The following DMD variants were observed in gnomAD, a reference collection of about 807,000 sequenced individuals.
DMD encodes the protein mutant dystrophin.
In DMD, 63 loss-of-function variants were observed where a neutral mutation model predicts 330.1. That is an observed-to-expected ratio of 0.19 (90% CI 0.16 to 0.24). The LOEUF (loss-of-function observed/expected upper bound fraction) is 0.24. Ranked by LOEUF, DMD falls within the 10% of genes least tolerant of loss-of-function variation. The pLI is 1.00. For synonymous variants in DMD, 1,223 were observed against 959.8 expected, an observed-to-expected ratio of 1.27 and a Z score of -5.07; for missense variants, 3,344 against 2,684.1, an observed-to-expected ratio of 1.25 and a Z score of -5.43.
intron 2 of DMD, among the ~76,000 whole-genome samples, chrX:33,015,480 T>A (rs2093783573): frequency 9.1e-6 from 1 of 109,925 alleles, no homozygotes; most frequent in African/African-American, 3.3e-5. Flanking sequence ...CACGGACACA[T>A]AGAGGGGAAC....
intron 41 of DMD, among the ~76,000 whole-genome samples, chrX:32,317,812 C>T (rs995177679): frequency 1.9e-4 from 19 of 99,554 alleles, no homozygotes; most frequent in African/African-American, 6.4e-4. Context: ...ATTATCTTGA[C>T]CAAAAACAGT....
chrX:32,007,699 C>T (rs2095673086), intron 44 of DMD, among the ~76,000 whole-genome samples: 3 of 109,942 alleles, frequency 2.7e-5, no homozygotes, highest in African/African-American at 3.3e-5. Flanking sequence ...TTTGGGGGGA[C>T]GTGGTGGGGA....
rs182872837 is a variant in DMD, at chrX:32,066,824, G to A, written c.6439-98310C>T. 1.4e-3 allele frequency among the ~76,000 whole-genome samples: 159 copies of A among 111,697 alleles called. 3 individuals are homozygous for A. The highest frequency in any genetic ancestry group is 4.6e-3 in the Middle Eastern group (1 of 218). The stretch of plus-strand genomic sequence containing the variant: ...TTTTTCGGATGCACAAAACATGTCA[G>A]TACATAGTTACCAACGATGGATGGA... On this transcript the variant is annotated intron_variant, in intron 44 of 78. Coordinates refer to ENST00000357033, the MANE Select transcript of DMD (RefSeq NM_004006.3).
chrX:32,806,342 A>G (rs1265620539), intron 7 of DMD, among the ~76,000 whole-genome samples: 1 of 112,227 alleles, frequency 8.9e-6, no homozygotes, highest in African/African-American at 3.2e-5. Flanking sequence ...AAAAACAAAA[A>G]AAGACAAAGA....
intron 7 of DMD, among the ~76,000 whole-genome samples, chrX:32,731,787 G>C (rs960883423): frequency 8.9e-6 from 1 of 112,157 alleles, no homozygotes; most frequent in African/African-American, 3.2e-5. Context: ...AAGTCCAAAA[G>C]TAGATAAAAC....
At chrX:32,392,341 C>T (rs1218852664) in intron 30 of DMD, among the ~76,000 whole-genome samples, 1 of 111,803 alleles carries the variant, frequency 8.9e-6, no homozygotes, top group African/African-American at 3.2e-5. Flanking sequence ...TCACTGCAAC[C>T]TCCGCCTCCC....
chrX:31,976,953 A>G (rs1386310183), intron 44 of DMD, among the ~76,000 whole-genome samples: 1 of 112,022 alleles, frequency 8.9e-6, no homozygotes, highest in African/African-American at 3.2e-5. Context: ...AATGATAAAT[A>G]AGCTTGTATT....
intron 44 of DMD, among the ~76,000 whole-genome samples, chrX:32,068,955 A>G (rs1603623916): frequency 2.7e-5 from 3 of 111,670 alleles, no homozygotes; most frequent in African/African-American, 9.8e-5. Flanking sequence ...TTTGCAATCA[A>G]TATTGTTCAG....
intron 55 of DMD, among the ~76,000 whole-genome samples, chrX:31,528,739 G>T (rs937166430): frequency 1.8e-5 from 2 of 111,705 alleles, no homozygotes; most frequent in African/African-American, 6.5e-5. Flanking sequence ...ACCATTTCTG[G>T]TGGTCAAGGT....
At chrX:31,895,494 C>T (rs930542847) in intron 47 of DMD, among the ~76,000 whole-genome samples, 1 of 111,616 alleles carries the variant, frequency 9.0e-6, no homozygotes, top group Non-Finnish European at 1.9e-5. Flanking sequence ...TTTGCTAATT[C>T]TTGGGATCCT....
chrX:32,837,702 A>G (rs920592846), intron 4 of DMD, among the ~76,000 whole-genome samples: 3 of 111,874 alleles, frequency 2.7e-5, no homozygotes, highest in African/African-American at 9.8e-5. Flanking sequence ...AGATACCTTA[A>G]AATTGTATAG....
chrX:32,653,615 G>C (rs1332431256), intron 9 of DMD, among the ~76,000 whole-genome samples: 3 of 111,675 alleles, frequency 2.7e-5, no homozygotes, highest in African/African-American at 9.8e-5. Flanking sequence ...TTGTTCTTTT[G>C]GCTTAGGATT....
At chrX:31,549,353 T>G (rs2074341642) in intron 55 of DMD, among the ~76,000 whole-genome samples, 1 of 111,118 alleles carries the variant, frequency 9.0e-6, no homozygotes, top group Non-Finnish European at 1.9e-5. Flanking sequence ...TACTTTAGAA[T>G]GTGAAAGAAT....
chrX:31,283,675 G>T (rs1400751467), intron 62 of DMD, among the ~76,000 whole-genome samples: 1 of 111,293 alleles, frequency 9.0e-6, no homozygotes, highest in Non-Finnish European at 1.9e-5. Context: ...TAAATTTTGG[G>T]AACAGCTCAC....
chrX:33,146,526 G>A (rs191837681), intron 1 of DMD, among the ~76,000 whole-genome samples: 359 of 111,049 alleles, frequency 3.2e-3, no homozygotes, highest in African/African-American at 0.011. Context: ...TCTTTCTACA[G>A]ATGCAAATGG....
intron 67 of DMD, among the ~76,000 whole-genome samples, chrX:31,197,552 C>A (rs1273155134): frequency 9.0e-6 from 1 of 111,412 alleles, no homozygotes; most frequent in Non-Finnish European, 1.9e-5. Flanking sequence ...TTTTGTCATA[C>A]AAATAGAGAA....
intron 63 of DMD, among the ~76,000 whole-genome samples, chrX:31,252,174 A>G (rs1006122455): frequency 1.8e-5 from 2 of 112,507 alleles, no homozygotes; most frequent in African/African-American, 6.5e-5. Context: ...CAAAGTTAAA[A>G]GAGCAGATTA....
intron 55 of DMD, among the ~76,000 whole-genome samples, chrX:31,581,915 G>A (rs1264079574): frequency 1.8e-5 from 2 of 111,128 alleles, no homozygotes; most frequent in Admixed American, 1.9e-4. Context: ...TTAAAACATC[G>A]ACAACAATAA....
At chrX:31,291,532 T>A (rs1315163018) in intron 62 of DMD, among the ~76,000 whole-genome samples, 1 of 112,237 alleles carries the variant, frequency 8.9e-6, no homozygotes, top group Admixed American at 9.5e-5. Flanking sequence ...CAGCAAAGGC[T>A]GACCATAGCA....
Sources: allele counts gnomAD v4.1 joint callset (sites outside exome capture counted in the v4.1 genomes callset), GRCh38; gene constraint gnomAD v4.1.1; transcripts MANE v1.5; gene names NCBI Gene and HGNC (gene_info 2026-07-23, HGNC 2026-07-21).